PPFIA4: variants seen among roughly 807,000 people sequenced by gnomAD.
PPFIA4 encodes liprin-alpha-4.
A neutral mutation model predicts 145.7 loss-of-function variants in PPFIA4; 98 were observed. The observed-to-expected ratio is 0.67, with a 90% confidence interval of 0.57 to 0.80. The LOEUF is 0.80. PPFIA4 is among the 30% of genes least tolerant of loss of function. The pLI, the probability that PPFIA4 is intolerant of heterozygous loss-of-function variation, is 0.00. For missense variants in PPFIA4, 1,457 were observed against 1,632.7 expected (o/e 0.89, Z 1.85); for synonymous variants, 628 against 649.6 (o/e 0.97, Z 0.51).
At chr1:203,067,420 T>G (rs1661800497) in intron 25 of PPFIA4, 3 of 415,940 alleles carry the variant, frequency 7.2e-6, no homozygotes, top group African/African-American at 4.0e-5. Context: ...GAGAGGGACA[T>G]GTTGGATTCA....
Position 203,059,267 on chromosome 1 carries a change from A to G in PPFIA4, c.2497A>G (p.Lys833Glu), listed in dbSNP as rs1463871183. 1 of 1,517,586 alleles carries G rather than the reference A, an allele frequency of 6.6e-7. No individual in the cohort carries two copies. The highest frequency in any genetic ancestry group is 1.9e-5 in the Admixed American group (1 of 52,204). The allele number at this position is 1,517,586 out of a possible 1,614,324, so 94.0% of individuals were successfully genotyped here. The change falls in exon 20 of 30, where the codon AAG (lysine) becomes GAG (glutamate). Residue 833 changes from lysine (K) to glutamate (E), a missense_variant. Coordinates refer to ENST00000295706, the MANE Select transcript of PPFIA4 (RefSeq NM_001304331.2). ...GGCAGAGAAGGACCGGCGGCTAAAG[A>G]AGAAGTAAGAGCCACAGGCCAGGGT... ...TQAEKDRRLK[K>E]KHQLLEDARR...
At chr1:203,037,368 T>C (rs1348112808) in intron 1 of PPFIA4, among the ~76,000 whole-genome samples, 1 of 152,178 alleles carries the variant, frequency 6.6e-6, no homozygotes, top group Non-Finnish European at 1.5e-5. Flanking sequence ...CAGAAGGCTT[T>C]CATTGTGTCT....
intron 12 of PPFIA4, among the ~76,000 whole-genome samples, chr1:203,049,343 G>T (rs1345733153): frequency 6.6e-6 from 1 of 152,210 alleles, no homozygotes; most frequent in Non-Finnish European, 1.5e-5. Flanking sequence ...TGAGGTCTGA[G>T]GGGGTGCTGG....
Position 203,055,423 on chromosome 1 carries a change from C to T in PPFIA4, c.1830-9C>T, listed in dbSNP as rs1373634005. On this transcript the variant is annotated splice_polypyrimidine_tract_variant and intron_variant, in intron 15 of 29. Transcript: ENST00000295706. This position sits in a 1 kb window ranked among gnomAD's most constrained non-coding sequence, Gnocchi z 4.8. ...CTAGTGGTGAGGTCTGGTTTTGCCTCCCTTCCAGGATGATTCAGGAAGAGA... is the reference window on the plus strand; with the variant it reads ...CTAGTGGTGAGGTCTGGTTTTGCCTTCCTTCCAGGATGATTCAGGAAGAGA... 1.2e-6 allele frequency: 2 copies of T among 1,613,312 alleles called. No individual in the cohort carries two copies. Among genetic ancestry groups the T allele is most frequent in the Non-Finnish European group, 1.7e-6 (2 of 1,179,414 alleles).
intron 24 of PPFIA4, among the ~76,000 whole-genome samples, chr1:203,062,019 C>T (rs572324072): frequency 1.8e-4 from 28 of 152,192 alleles, no homozygotes; most frequent in East Asian, 7.7e-4. Context: ...GTGAACTGAG[C>T]GAAGGTCTTT....
chr1:203,053,515 A>C (rs756130133), intron 14 of PPFIA4, among the ~76,000 whole-genome samples: 4 of 152,102 alleles, frequency 2.6e-5, no homozygotes, highest in African/African-American at 7.2e-5. Flanking sequence ...CCTGGGTGAC[A>C]GAGGGAGACT....
At chr1:203,063,662 C>T in intron 24 of PPFIA4, 166 bp from the exon 25 acceptor site, 3 of 624,112 alleles carry the variant, frequency 4.8e-6, no homozygotes, top group Non-Finnish European at 8.3e-6. Context: ...CACCTCCCAC[C>T]ACTACCAGCC....
chr1:203,044,122 A>C (rs762138941), intron 4 of PPFIA4, 27 bp downstream of exon 4: 8 of 1,551,718 alleles, frequency 5.2e-6, no homozygotes, highest in Non-Finnish European at 7.0e-6. Context: ...CAGCCCCCAC[A>C]TCCAGCCAGG....
In PPFIA4 at chr1:203,068,892, G is replaced by A. The variant is rs1378162573; in HGVS notation, c.3324+264G>A. The stretch of plus-strand genomic sequence containing the variant: ...GTGTGCTCTTACAATGCGCATCCCC[G>A]TCCTGCCCTGGGTACCTCTATCTCC... On this transcript the variant is annotated intron_variant, in intron 27 of 29. Transcript: ENST00000295706. The surrounding 1 kb of genome is among the most constrained non-coding windows in gnomAD (Gnocchi z 4.7). 3.9e-5 allele frequency among the ~76,000 whole-genome samples: 6 copies of A among 152,102 alleles called. No individual in the cohort carries two copies. The highest frequency in any genetic ancestry group is 1.4e-4 in the African/African-American group (6 of 41,390).
In PPFIA4 at chr1:203,076,351, C is replaced by T. The variant is rs199601630; in HGVS notation, c.3585C>T (p.His1195=). 44 of 1,606,782 alleles carry T rather than the reference C, an allele frequency of 2.7e-5. No individual in the cohort carries two copies. In the African/African-American group the frequency reaches 5.5e-4, roughly 20 times the overall value. ...CTCTCTCTCCCTCAGCTCACTCCCA[C>T]TATCTCTACGGACACATGCTCTCCG... ...PKKIMPEAHS[H]YLYGHMLSAF... The change falls in exon 30 of 30, where the codon CAC becomes CAT. Residue 1195 remains histidine (H), a synonymous_variant. Coordinates refer to ENST00000295706, the MANE Select transcript of PPFIA4 (RefSeq NM_001304331.2).
At chr1:203,071,800 G>C (rs1185114425) in intron 28 of PPFIA4, 40 bp downstream of exon 28, 6 of 1,524,526 alleles carry the variant, frequency 3.9e-6, no homozygotes, top group Non-Finnish European at 5.4e-6. Context: ...TGGGGATTTG[G>C]TCATCTTCGT....
intron 18 of PPFIA4, 50 bp downstream of exon 18, chr1:203,056,558 C>T (rs1660969643): frequency 1.9e-6 from 3 of 1,589,884 alleles, no homozygotes; most frequent in Non-Finnish European, 2.6e-6. Flanking sequence ...AGGGTCCTCT[C>T]CTCCCTTCCT....
At position 203,039,083 on chromosome 1, in the gene PPFIA4, C is replaced by T. The variant is rs1466231451; in HGVS notation, c.75C>T (p.Asn25=). 1.2e-6 allele frequency: 2 copies of T among 1,606,270 alleles called. No individual in the cohort carries two copies. Among genetic ancestry groups the T allele is most frequent in the Non-Finnish European group, 1.7e-6 (2 of 1,176,942 alleles). The change falls in exon 2 of 30, where the codon AAC becomes AAT. Residue 25 remains asparagine (N), a synonymous_variant. Transcript: ENST00000295706. ...CTCATGGCGCCGATGCTGACGCCAA[C>T]TTCGAGCAGCTGATGGTGAACATGC... ...GPPHGADADA[N]FEQLMVNMLD...
At chr1:203,037,697 C>T (rs748543743) in intron 1 of PPFIA4, among the ~76,000 whole-genome samples, 2 of 152,230 alleles carry the variant, frequency 1.3e-5, no homozygotes, top group South Asian at 4.1e-4. Context: ...CCAGGCTATG[C>T]ACATGCTGAC....
rs868829830 is a variant in PPFIA4 at position 203,044,718 on chromosome 1, C to A, written c.599C>A (p.Ala200Glu). ...HQQVSALQQG[A>E]GVRDGAAEEE... ...CAGGTGTCTGCCCTGCAGCAGGGGGCAGGGGTGCGGGATGGAGCGGCAGAA... is the reference window on the plus strand; with the variant it reads ...CAGGTGTCTGCCCTGCAGCAGGGGGAAGGGGTGCGGGATGGAGCGGCAGAA... Residue 200 changes from alanine to glutamate, a missense_variant, in exon 6 of 30, where the codon GCA becomes GAA. Physicochemically the swap from Ala to Glu is moderately radical, Grantham distance 107. This residue lies in a region of PPFIA4 where 463 missense variants were observed against 459.8 expected (regional missense o/e 1.01). Transcript: ENST00000295706. 6.4e-7 allele frequency: 1 copy of A among 1,560,260 alleles called. No individual in the cohort carries two copies. Among genetic ancestry groups the A allele is most frequent in the Non-Finnish European group, 8.7e-7 (1 of 1,152,380 alleles).
intron 25 of PPFIA4, among the ~76,000 whole-genome samples, chr1:203,065,181 G>A (rs7538696): frequency 0.47 from 70,939 of 151,968 alleles, 17,509 homozygotes; most frequent in South Asian, 0.54. Context: ...AGAGTACAGG[G>A]GAACCCAGGT....
rs368675381 is a variant in PPFIA4, at chr1:203,064,037, C to T, written c.3050+34C>T. 424 of 1,596,470 alleles carry T rather than the reference C, an allele frequency of 2.7e-4. 2 individuals are homozygous for T. The South Asian group carries it at 2.9e-3, about 11-fold the overall frequency. On this transcript the variant is annotated intron_variant, in intron 25 of 29. Transcript: ENST00000295706. Reference sequence around the variant, plus strand: ...GGCTGGGACCCAGGGCCACCTCCCTCGTGGGGGCCTCCCCTAGCTCTGAGG... The same window carrying T: ...GGCTGGGACCCAGGGCCACCTCCCTTGTGGGGGCCTCCCCTAGCTCTGAGG...
chr1:203,077,504 C>T lies in PPFIA4; in HGVS notation c.*1114C>T, dbSNP rs1256658102. 6.6e-6 allele frequency: 1 copy of T among 152,192 alleles called. No homozygotes were observed. Among genetic ancestry groups the T allele is most frequent in the African/African-American group, 2.4e-5 (1 of 41,432 alleles). 9.4% of individuals were successfully genotyped at this position (152,192 alleles called of 1,614,324 possible). A position where few individuals can be genotyped will look rare whatever the true frequency, so the allele number is the denominator to read the frequency against. Reference sequence around the variant, plus strand: ...CTCTGACCTCCCAGGAAGAAAATAGCTTCTCCTACAGTGATTCATGTCCCA... The same window carrying T: ...CTCTGACCTCCCAGGAAGAAAATAGTTTCTCCTACAGTGATTCATGTCCCA... On this transcript the variant is annotated 3_prime_UTR_variant, in exon 30 of 30. Coordinates refer to ENST00000295706, the MANE Select transcript of PPFIA4 (RefSeq NM_001304331.2).
intron 1 of PPFIA4, chr1:203,035,645 G>A (rs1022486859): frequency 2.2e-6 from 1 of 456,650 alleles, no homozygotes; most frequent in African/African-American, 2.0e-5. Flanking sequence ...GGACCTGTGA[G>A]TGTTACTTAG....
Sources: gnomAD v4.1 joint callset for allele counts (sites outside exome capture counted in the v4.1 genomes callset) on GRCh38, gnomAD v4.1.1 for gene constraint, gnomAD v4.1.1 regional missense constraint, Gnocchi (gnomAD v3.1) non-coding constraint, MANE v1.5 for transcripts, NCBI Gene and HGNC (gene_info 2026-07-23, HGNC 2026-07-21) for gene names.